PCDHGA3: variants seen among roughly 807,000 people sequenced by gnomAD.
The protein encoded by PCDHGA3 is protocadherin gamma-A3.
Under a neutral mutation model 58.5 loss-of-function variants are expected in PCDHGA3, and 40 were observed. That is an observed-to-expected ratio of 0.68 (90% confidence interval 0.53 to 0.89). The LOEUF is 0.89. PCDHGA3 is among the 40% of genes least tolerant of loss of function. PCDHGA3 has a pLI of 0.00. For synonymous variants in PCDHGA3, 530 were observed against 525.7 expected (o/e 1.01, Z -0.11); for missense variants, 1,223 against 1,195.9 (o/e 1.02, Z -0.33).
At chr5:141,444,918 C>T (rs1197922745) in intron 1 of PCDHGA3, among the ~76,000 whole-genome samples, 1 of 152,106 alleles carries the variant, frequency 6.6e-6, no homozygotes, top group Non-Finnish European at 1.5e-5. Flanking sequence ...ATACCTTTAT[C>T]AGGGAAAGAG....
At chr5:141,421,895 G>C in intron 1 of PCDHGA3, 1 of 1,613,730 alleles carries the variant, frequency 6.2e-7, no homozygotes, top group Non-Finnish European at 8.5e-7. Context: ...GATCCCATCC[G>C]AAAGGGCGCA....
At chr5:141,510,795 G>A in intron 3 of PCDHGA3, 152 bp from the exon 4 acceptor site, 6 of 1,465,214 alleles carry the variant, frequency 4.1e-6, no homozygotes, top group Non-Finnish European at 5.5e-6. Context: ...CTTGTGAAGA[G>A]AGACTACCTT....
chr5:141,365,027 C>G, intron 1 of PCDHGA3: 1 of 1,613,896 alleles, frequency 6.2e-7, no homozygotes, highest in Non-Finnish European at 8.5e-7. Flanking sequence ...TGTTACGGTC[C>G]TCGACGCAAA....
intron 1 of PCDHGA3, chr5:141,418,106 G>T (rs2096223296): frequency 6.2e-7 from 1 of 1,613,954 alleles, no homozygotes. Flanking sequence ...GCAGAGCGGG[G>T]ACTTACTTGT....
intron 1 of PCDHGA3, among the ~76,000 whole-genome samples, chr5:141,349,368 G>T (rs1197530727): frequency 1.3e-5 from 2 of 152,044 alleles, no homozygotes; most frequent in East Asian, 1.9e-4. Context: ...CCAGCCTAGA[G>T]TATTTAATAT....
At chr5:141,467,565 C>A (rs2154569547) in intron 1 of PCDHGA3, among the ~76,000 whole-genome samples, 1 of 152,302 alleles carries the variant, frequency 6.6e-6, no homozygotes, top group East Asian at 1.9e-4. Context: ...TCCCAAATGG[C>A]TATCCAGTTG....
At chr5:141,508,879 G>A (rs2547559) in intron 3 of PCDHGA3, among the ~76,000 whole-genome samples, 2 of 152,070 alleles carry the variant, frequency 1.3e-5, no homozygotes, top group East Asian at 3.9e-4. Context: ...AGAGGCTGAC[G>A]GCTGGAGGGG....
chr5:141,495,973 A>C (rs2099764953), intron 2 of PCDHGA3, among the ~76,000 whole-genome samples: 1 of 146,988 alleles, frequency 6.8e-6, no homozygotes, highest in African/African-American at 2.5e-5. Context: ...TTTCTCTGTT[A>C]CTCTTTCTTT....
rs777121812 is a variant in PCDHGA3, at chr5:141,355,953, T to C, written c.2424+9496T>C. ...CTCAGCCCGAGTACCACGTAAGTGT[T>C]CGTGAGAACGTTCCTGTAGGCACTC... On this transcript the variant is annotated intron_variant, in intron 1 of 3. Transcript: ENST00000253812. 1.4e-5 allele frequency: 22 copies of C among 1,613,776 alleles called. No individual in the cohort carries two copies. The African/African-American group carries it at 2.9e-4, about 22-fold the overall frequency.
chr5:141,350,490 A>G, intron 1 of PCDHGA3: 2 of 1,614,006 alleles, frequency 1.2e-6, no homozygotes, highest in Non-Finnish European at 1.7e-6. Context: ...GTTAGTTTGG[A>G]GAGCGGGGAT....
chr5:141,351,049 C>T, intron 1 of PCDHGA3: 1 of 1,614,058 alleles, frequency 6.2e-7, no homozygotes, highest in Non-Finnish European at 8.5e-7. Context: ...GGGTGATGGC[C>T]ACAGACCAGG....
At chr5:141,381,416 C>G (rs995030864) in intron 1 of PCDHGA3, among the ~76,000 whole-genome samples, 10 of 152,236 alleles carry the variant, frequency 6.6e-5, no homozygotes, top group African/African-American at 2.2e-4. Context: ...AGTGGAGAGA[C>G]GAGTACCTCT....
Position 141,390,867 on chromosome 5 carries a change from C to T in PCDHGA3, c.2424+44410C>T, listed in dbSNP as rs370388746. On this transcript the variant is annotated intron_variant, in intron 1 of 3. Transcript: ENST00000253812. Reference sequence around the variant, plus strand: ...TTATATGCAGTGTACGCTGTGTGTGCGTGTGTGTGTGTGTGTGTGTGAGAG... The same window carrying T: ...TTATATGCAGTGTACGCTGTGTGTGTGTGTGTGTGTGTGTGTGTGTGAGAG... The T allele has an allele frequency of 2.6e-4, 39 of 151,156 alleles. No homozygotes were observed. In the South Asian group the frequency reaches 4.4e-3, roughly 17 times the overall value. 9.4% of individuals were successfully genotyped at this position (151,156 alleles called of 1,614,324 possible).
At chr5:141,460,502 G>A (rs1300155108) in intron 1 of PCDHGA3, among the ~76,000 whole-genome samples, 1 of 152,094 alleles carries the variant, frequency 6.6e-6, no homozygotes, top group Non-Finnish European at 1.5e-5. Flanking sequence ...AAAATATGCT[G>A]AGAAGGCTAT....
chr5:141,401,320 C>A (rs1420214369), intron 1 of PCDHGA3, among the ~76,000 whole-genome samples: 1 of 151,626 alleles, frequency 6.6e-6, no homozygotes, highest in East Asian at 1.9e-4. Flanking sequence ...CCAGCCTGGG[C>A]AACAAGAGCA....
rs1168649993 is a variant in PCDHGA3, at chr5:141,432,243, C to G, written c.2425-62564C>G. On this transcript the variant is annotated intron_variant, in intron 1 of 3. Transcript: ENST00000253812. The surrounding 1 kb of genome is among the most constrained non-coding windows in gnomAD (Gnocchi z 6.0). ...ATCACTTATTCCCTGGCTGAGAACA[C>G]CATCCAAGGGGCAAGCCTATCGTCC... 1 of 1,614,244 alleles carries G rather than the reference C, an allele frequency of 6.2e-7. No individual in the cohort carries two copies. Among genetic ancestry groups the G allele is most frequent in the Non-Finnish European group, 8.5e-7 (1 of 1,180,050 alleles).
chr5:141,472,998 G>GAA (rs2099311030), intron 1 of PCDHGA3, among the ~76,000 whole-genome samples: 1 of 134,744 alleles, frequency 7.4e-6, no homozygotes, highest in Non-Finnish European at 1.6e-5. Flanking sequence ...AAAAAAAAAA[G>GAA]AAAGAAAAAG....
chr5:141,422,018 T>C, intron 1 of PCDHGA3: 1 of 1,610,840 alleles, frequency 6.2e-7, no homozygotes, highest in Non-Finnish European at 8.5e-7. Context: ...CGGGTGCTGA[T>C]GGTTAATGCA....
Position 141,511,207 on chromosome 5 carries a change from T to A in PCDHGA3, c.*34T>A, listed in dbSNP as rs773761839. ...CCAGGCCAAGAGCCACAGGGCGGCC[T>A]CTCCCCAACCAGCCCAGCTTCTCCT... On this transcript the variant is annotated 3_prime_UTR_variant, in exon 4 of 4. Transcript: ENST00000253812. 1 of 1,611,162 alleles carries A rather than the reference T, an allele frequency of 6.2e-7. No individual in the cohort carries two copies. The highest frequency in any genetic ancestry group is 1.1e-5 in the South Asian group (1 of 90,702).
Sources: gnomAD v4.1 joint callset for allele counts (sites outside exome capture counted in the v4.1 genomes callset) on GRCh38, gnomAD v4.1.1 for gene constraint, Gnocchi (gnomAD v3.1) non-coding constraint, MANE v1.5 for transcripts, NCBI Gene and HGNC (gene_info 2026-07-23, HGNC 2026-07-21) for gene names.